The following DLGAP1 variants were observed in gnomAD, a reference collection of about 807,000 sequenced individuals.
DLGAP1 encodes DLG associated protein 1.
Under a neutral mutation model 90.8 loss-of-function variants are expected in DLGAP1, and 11 were observed. The observed-to-expected ratio is 0.12, with a 90% CI of 0.08 to 0.20. DLGAP1 has a LOEUF of 0.20. Ranked by LOEUF, DLGAP1 falls within the 10% of genes least tolerant of loss-of-function variation. The pLI is 1.00. For synonymous variants in DLGAP1, 558 were observed against 540.7 expected, an observed-to-expected ratio of 1.03 and a Z score of -0.44; for missense variants, 1,050 against 1,333.8, an observed-to-expected ratio of 0.79 and a Z score of 3.31.
chr18:4,174,567 T>G (rs565335753), intron 1 of DLGAP1, among the ~76,000 whole-genome samples: 1 of 152,234 alleles, frequency 6.6e-6, no homozygotes, highest in Admixed American at 6.5e-5. Context: ...ACTCCTGATC[T>G]CATGATCCAC....
At chr18:3,849,643 A>G (rs1412999495) in intron 4 of DLGAP1, among the ~76,000 whole-genome samples, 1 of 152,178 alleles carries the variant, frequency 6.6e-6, no homozygotes, top group Non-Finnish European at 1.5e-5. Context: ...CAGAGCTCCC[A>G]GAATAGTTCA....
intron 2 of DLGAP1, among the ~76,000 whole-genome samples, chr18:4,113,834 G>C (rs1352795269): frequency 6.6e-6 from 1 of 152,080 alleles, no homozygotes. Context: ...CAAATGGCTA[G>C]CCAGCTATTC....
At chr18:4,028,780 A>G (rs138458980) in intron 2 of DLGAP1, among the ~76,000 whole-genome samples, 1,606 of 152,306 alleles carry the variant, frequency 0.011, 7 homozygotes, top group Non-Finnish European at 0.016. Context: ...CTTTTATTGT[A>G]AGCATTTGTG....
intron 3 of DLGAP1, among the ~76,000 whole-genome samples, chr18:3,927,131 T>C (rs772619050): frequency 1.2e-4 from 19 of 152,190 alleles, no homozygotes; most frequent in Non-Finnish European, 2.5e-4. Context: ...AACAAATGAA[T>C]GTAGAATAGT....
Position 4,216,673 on chromosome 18 carries a change from C to T in DLGAP1, c.-266-65386G>A, listed in dbSNP as rs192430430. Among the ~76,000 whole-genome samples the T allele has an allele frequency of 1.8e-4, 27 of 152,220 alleles. 1 individual carries two copies. The highest frequency in any genetic ancestry group is 1.4e-3 in the Admixed American group (22 of 15,272). Reference sequence around the variant, plus strand: ...CTTAGAATAGACAACTTCTATCTTACTCCCTCATAGTTAGGATTAAAGAGA... The same window carrying T: ...CTTAGAATAGACAACTTCTATCTTATTCCCTCATAGTTAGGATTAAAGAGA... On this transcript the variant is annotated intron_variant, in intron 1 of 12. Transcript: ENST00000315677.
intron 1 of DLGAP1, among the ~76,000 whole-genome samples, chr18:4,227,498 A>G (rs982552898): frequency 6.6e-6 from 1 of 151,968 alleles, no homozygotes; most frequent in African/African-American, 2.4e-5. Flanking sequence ...TATATCGAAC[A>G]TCTTCTCAGA....
intron 1 of DLGAP1, among the ~76,000 whole-genome samples, chr18:4,295,820 T>C (rs1248149176): frequency 6.6e-6 from 1 of 152,136 alleles, no homozygotes; most frequent in African/African-American, 2.4e-5. Context: ...GCTCGGTAAG[T>C]GTTAGTTATT....
At chr18:3,576,627 C>T (rs1324200333) in intron 8 of DLGAP1, among the ~76,000 whole-genome samples, 5 of 150,578 alleles carry the variant, frequency 3.3e-5, no homozygotes, top group Non-Finnish European at 7.4e-5. Context: ...TGCAATGGCG[C>T]GATCTTGGCT....
chr18:4,114,403 C>T (rs994555644), intron 2 of DLGAP1, among the ~76,000 whole-genome samples: 10 of 151,882 alleles, frequency 6.6e-5, no homozygotes, highest in African/African-American at 2.4e-4. Flanking sequence ...TGATTTGGCT[C>T]TCTGCTTGAA....
chr18:3,841,005 A>C (rs1460121670), intron 4 of DLGAP1, among the ~76,000 whole-genome samples: 1 of 152,218 alleles, frequency 6.6e-6, no homozygotes, highest in African/African-American at 2.4e-5. Flanking sequence ...GAAACTGCAC[A>C]TGTCTCTTCT....
At chr18:4,141,583 G>A (rs2076496113) in intron 2 of DLGAP1, among the ~76,000 whole-genome samples, 1 of 151,814 alleles carries the variant, frequency 6.6e-6, no homozygotes, top group Admixed American at 6.6e-5. Flanking sequence ...GAAAAATCTT[G>A]GAGATCTCCA....
intron 3 of DLGAP1, among the ~76,000 whole-genome samples, chr18:3,897,908 C>T (rs918033499): frequency 5.3e-5 from 8 of 150,950 alleles, no homozygotes; most frequent in African/African-American, 1.9e-4. Context: ...CATTCTCCTG[C>T]CTCAGCCTCC....
chr18:4,370,437 T>C (rs568358843), intron 1 of DLGAP1, among the ~76,000 whole-genome samples: 12 of 152,312 alleles, frequency 7.9e-5, no homozygotes, highest in Admixed American at 5.9e-4. Context: ...GTTAAAACTA[T>C]GGTAATTACT....
intron 9 of DLGAP1, among the ~76,000 whole-genome samples, chr18:3,563,596 A>T (rs1354430552): frequency 6.6e-6 from 1 of 151,962 alleles, no homozygotes; most frequent in Non-Finnish European, 1.5e-5. Context: ...CATCCTCCCA[A>T]GTAGCTGGGA....
intron 1 of DLGAP1, among the ~76,000 whole-genome samples, chr18:4,223,232 T>C (rs1385327249): frequency 6.6e-6 from 1 of 152,190 alleles, no homozygotes; most frequent in Non-Finnish European, 1.5e-5. Context: ...TTAATAAACA[T>C]ATAAAAATAC....
intron 10 of DLGAP1, among the ~76,000 whole-genome samples, chr18:3,528,767 G>T (rs991988184): frequency 6.6e-6 from 1 of 152,154 alleles, no homozygotes; most frequent in South Asian, 2.1e-4. Context: ...TTTGAAATTG[G>T]TGACTCTGTC....
chr18:4,351,501 G>T (rs1016331583), intron 1 of DLGAP1, among the ~76,000 whole-genome samples: 1 of 152,114 alleles, frequency 6.6e-6, no homozygotes, highest in African/African-American at 2.4e-5. Context: ...CTAGCTAAGG[G>T]TCTCTTAGGT....
chr18:3,709,735 C>T (rs902019996), intron 7 of DLGAP1, among the ~76,000 whole-genome samples: 41 of 152,178 alleles, frequency 2.7e-4, no homozygotes, highest in African/African-American at 9.9e-4. Context: ...CGATTTCCCC[C>T]AGCCCTGCAC....
At chr18:4,162,383 G>A (rs1231426640) in intron 1 of DLGAP1, among the ~76,000 whole-genome samples, 1 of 152,100 alleles carries the variant, frequency 6.6e-6, no homozygotes, top group Non-Finnish European at 1.5e-5. Flanking sequence ...GCTTAAGGAT[G>A]AAGTATGTCA....
Sources: gnomAD v4.1 joint callset for allele counts (sites outside exome capture counted in the v4.1 genomes callset) on GRCh38, gnomAD v4.1.1 for gene constraint, MANE v1.5 for transcripts, NCBI Gene and HGNC (gene_info 2026-07-23, HGNC 2026-07-21) for gene names.